The following CHP1 variants were observed in gnomAD, a reference collection of about 807,000 sequenced individuals.
CHP1 encodes the protein calcineurin B homologous protein 1.
Under a neutral mutation model 27.4 loss-of-function variants are expected in CHP1, and 11 were observed. The ratio of observed to expected loss-of-function variants is 0.40; its 90% CI spans 0.25 to 0.67. The LOEUF (loss-of-function observed/expected upper bound fraction) is 0.67, where lower values mean the gene tolerates loss of function less well. Among genes scored for constraint, CHP1 ranks in the 30% least tolerant of loss-of-function variants. The probability of loss-of-function intolerance (pLI) is 0.38; values close to 1 mark genes in which losing one functional copy is unlikely to be tolerated. For synonymous variants in CHP1, 89 were observed against 87.4 expected, an observed-to-expected ratio of 1.02 and a Z score of -0.10; for missense variants, 169 against 251.3, an observed-to-expected ratio of 0.67 and a Z score of 2.22.
At chr15:41,265,357 C>A (rs1190757741) in intron 4 of CHP1, among the ~76,000 whole-genome samples, 1 of 93,520 alleles carries the variant, frequency 1.1e-5, no homozygotes, top group South Asian at 4.2e-4. Context: ...GAGCGAGACT[C>A]TGTCTCAAAA....
intron 4 of CHP1, among the ~76,000 whole-genome samples, chr15:41,268,033 G>A (rs1174288285): frequency 6.6e-6 from 1 of 152,036 alleles, no homozygotes; most frequent in Non-Finnish European, 1.5e-5. Context: ...CTACATGCCA[G>A]GTACTATTTT....
chr15:41,264,270 A>T (rs2140937833), intron 4 of CHP1: 2 of 1,184,140 alleles, frequency 1.7e-6, no homozygotes, highest in Non-Finnish European at 2.2e-6. Flanking sequence ...AAGTCAGTTC[A>T]GGTCAGGAGA....
chr15:41,259,776 G>A (rs1244970678), intron 3 of CHP1, among the ~76,000 whole-genome samples: 4 of 151,740 alleles, frequency 2.6e-5, no homozygotes. Context: ...TTTTTGAGAC[G>A]GAGTCTCCCT....
At chr15:41,244,957 T>C (rs925592009) in intron 2 of CHP1, among the ~76,000 whole-genome samples, 18 of 152,088 alleles carry the variant, frequency 1.2e-4, no homozygotes, top group African/African-American at 4.1e-4. Flanking sequence ...AGGTGTTGGA[T>C]GTAGCATAAA....
At chr15:41,259,785 C>G (rs1467538273) in intron 3 of CHP1, among the ~76,000 whole-genome samples, 2 of 151,772 alleles carry the variant, frequency 1.3e-5, no homozygotes, top group East Asian at 3.8e-4. Context: ...CGGAGTCTCC[C>G]TCTGTCTCCC....
intron 1 of CHP1, among the ~76,000 whole-genome samples, chr15:41,236,655 C>T (rs1216419983): frequency 6.6e-6 from 1 of 152,080 alleles, no homozygotes; most frequent in Non-Finnish European, 1.5e-5. Flanking sequence ...GCAGCAGCTG[C>T]GAAGATATAA....
chr15:41,231,819 C>G (rs1229989909), intron 1 of CHP1, among the ~76,000 whole-genome samples: 1 of 152,098 alleles, frequency 6.6e-6, no homozygotes, highest in Non-Finnish European at 1.5e-5. Context: ...GAAGCAAATT[C>G]AGGAACTCGA....
Position 41,239,811 on chromosome 15 carries a change from C to CT in CHP1, c.68-3855dup, listed in dbSNP as rs545573793. On this transcript the variant is annotated intron_variant, in intron 1 of 6. Transcript: ENST00000334660. ...ATTTTTTCGAGACAGAGTCTCCTCTCTGTCACCCAGGCTGGAGTGCAGTGG... is the reference window on the plus strand; with the variant it reads ...ATTTTTTCGAGACAGAGTCTCCTCTCTTGTCACCCAGGCTGGAGTGCAGTGG... 2.3e-3 allele frequency among the ~76,000 whole-genome samples: 344 copies of CT among 151,972 alleles called. 1 individual carries two copies. Among genetic ancestry groups the CT allele is most frequent in the Non-Finnish European group, 4.1e-3 (281 of 67,950 alleles).
chr15:41,246,992 G>C (rs551167758), intron 2 of CHP1, among the ~76,000 whole-genome samples: 27 of 145,656 alleles, frequency 1.9e-4, no homozygotes, highest in Non-Finnish European at 1.7e-4. Context: ...GAGACCATGG[G>C]CTACAGAGCG....
At chr15:41,235,256 C>T (rs1226277206) in intron 1 of CHP1, among the ~76,000 whole-genome samples, 1 of 152,112 alleles carries the variant, frequency 6.6e-6, no homozygotes, top group African/African-American at 2.4e-5. Context: ...CAGTGGCTCA[C>T]ACCTGTAGTT....
At chr15:41,234,264 G>GT (rs2047266246) in intron 1 of CHP1, 1 of 152,144 alleles carries the variant, frequency 6.6e-6, no homozygotes, top group South Asian at 2.1e-4. Context: ...GCCCAGAGTT[G>GT]TTTTTTCAAG....
chr15:41,265,606 G>A (rs2047456281), intron 4 of CHP1, among the ~76,000 whole-genome samples: 2 of 151,652 alleles, frequency 1.3e-5, no homozygotes, highest in African/African-American at 4.8e-5. Context: ...AGGTACTCGG[G>A]AGGCTGAGAC....
intron 1 of CHP1, among the ~76,000 whole-genome samples, chr15:41,232,223 T>G (rs889912596): frequency 6.6e-6 from 1 of 151,518 alleles, no homozygotes; most frequent in African/African-American, 2.4e-5. Context: ...TTTTTTTTTT[T>G]TTTTTGAAAC....
chr15:41,263,465 C>T (rs1368674704), intron 4 of CHP1, among the ~76,000 whole-genome samples: 1 of 152,198 alleles, frequency 6.6e-6, no homozygotes, highest in Admixed American at 6.5e-5. Flanking sequence ...TTTGCCTTCC[C>T]TTCTGCCCTT....
chr15:41,233,478 C>G (rs1028092739), intron 1 of CHP1, among the ~76,000 whole-genome samples: 5 of 152,180 alleles, frequency 3.3e-5, no homozygotes, highest in Non-Finnish European at 7.3e-5. Context: ...CTGTTTTCCC[C>G]ATTGCCAAAG....
At chr15:41,270,975 G>T (rs892985623) in intron 5 of CHP1, among the ~76,000 whole-genome samples, 1 of 152,086 alleles carries the variant, frequency 6.6e-6, no homozygotes, top group African/African-American at 2.4e-5. Flanking sequence ...TTAGCCATCG[G>T]CCGGGCGCTT....
At chr15:41,269,854 G>A (rs67259166) in intron 4 of CHP1, among the ~76,000 whole-genome samples, 18,746 of 152,064 alleles carry the variant, frequency 0.12, 1,344 homozygotes, top group South Asian at 0.27. Context: ...GATTTGTCAC[G>A]GCACCTATAA....
At chr15:41,243,378 C>T (rs920558079) in intron 1 of CHP1, among the ~76,000 whole-genome samples, 1 of 152,110 alleles carries the variant, frequency 6.6e-6, no homozygotes, top group African/African-American at 2.4e-5. Context: ...CAGGACAGGA[C>T]AGGACAAAAT....
At position 41,269,806 on chromosome 15, in the gene CHP1, T is replaced by A. The variant is rs1284148653; in HGVS notation, c.350-751T>A. 2.0e-5 allele frequency among the ~76,000 whole-genome samples: 3 copies of A among 152,094 alleles called. No homozygotes were observed. In the East Asian group the frequency reaches 5.8e-4, roughly 29 times the overall value. On this transcript the variant is annotated intron_variant, in intron 4 of 6. Coordinates refer to ENST00000334660, the MANE Select transcript of CHP1 (RefSeq NM_007236.5). Reference sequence around the variant, plus strand: ...TCAAAACCTAAAAACCAAGCTAAATTCAGTTGTGGGACAAGACATTCACAT... The same window carrying A: ...TCAAAACCTAAAAACCAAGCTAAATACAGTTGTGGGACAAGACATTCACAT...
Sources: gnomAD v4.1 joint callset for allele counts (sites outside exome capture counted in the v4.1 genomes callset) on GRCh38, gnomAD v4.1.1 for gene constraint, MANE v1.5 for transcripts, NCBI Gene and HGNC (gene_info 2026-07-23, HGNC 2026-07-21) for gene names.